CFAP54: variants seen among roughly 807,000 people sequenced by gnomAD.
CFAP54 encodes cilia and flagella associated protein 54.
Under a neutral mutation model 370.4 loss-of-function variants are expected in CFAP54, and 290 were observed. The ratio of observed to expected loss-of-function variants is 0.78; its 90% CI spans 0.71 to 0.86. CFAP54 has a LOEUF of 0.86. CFAP54 is among the 40% of genes least tolerant of loss of function. The pLI is 0.00. For synonymous variants in CFAP54, 1,206 were observed against 1,236.5 expected (o/e 0.98, Z 0.52); for missense variants, 3,399 against 3,528.7 (o/e 0.96, Z 0.93).
At chr12:96,492,081 T>C (rs1954890880) in intron 1 of CFAP54, among the ~76,000 whole-genome samples, 1 of 152,080 alleles carries the variant, frequency 6.6e-6, no homozygotes, top group Non-Finnish European at 1.5e-5. Flanking sequence ...ATTTAAATGG[T>C]TTTTATCTTT....
At chr12:96,647,412 G>T (rs1156539829) in intron 33 of CFAP54, among the ~76,000 whole-genome samples, 3 of 134,914 alleles carry the variant, frequency 2.2e-5, no homozygotes, top group African/African-American at 5.5e-5. Flanking sequence ...GGCAGAGCTT[G>T]CAGTGAGCCG....
chr12:96,863,601 A>AT (rs1213713220), intron 67 of CFAP54, among the ~76,000 whole-genome samples: 1 of 152,174 alleles, frequency 6.6e-6, no homozygotes, highest in African/African-American at 2.4e-5. Flanking sequence ...AGAGGAAGAC[A>AT]TAGTTGAGGT....
chr12:96,541,371 C>T (rs1955569896), intron 14 of CFAP54, among the ~76,000 whole-genome samples: 1 of 151,402 alleles, frequency 6.6e-6, no homozygotes, highest in Non-Finnish European at 1.5e-5. Flanking sequence ...CTGCAACCTC[C>T]ATCTCCCAGG....
At chr12:96,569,726 G>T (rs916246058) in intron 19 of CFAP54, among the ~76,000 whole-genome samples, 6 of 152,184 alleles carry the variant, frequency 3.9e-5, no homozygotes, top group Admixed American at 3.9e-4. Flanking sequence ...AATCAACACA[G>T]AATCTAATTT....
chr12:96,616,304 T>C (rs1956416775), intron 26 of CFAP54, among the ~76,000 whole-genome samples: 1 of 151,070 alleles, frequency 6.6e-6, no homozygotes, highest in Non-Finnish European at 1.5e-5. Context: ...TAGGTGGGAA[T>C]TGAACAATGA....
intron 67 of CFAP54, among the ~76,000 whole-genome samples, chr12:96,863,937 T>C (rs991063382): frequency 6.6e-6 from 1 of 152,180 alleles, no homozygotes; most frequent in Non-Finnish European, 1.5e-5. Flanking sequence ...TAAACCATCA[T>C]TCCAAAATTC....
chr12:96,821,703 A>T (rs4762333), intron 65 of CFAP54, among the ~76,000 whole-genome samples: 9 of 23,174 alleles, frequency 3.9e-4, no homozygotes, highest in African/African-American at 1.2e-3. Flanking sequence ...GCACTTTATT[A>T]AAAAAAAAAA....
At chr12:96,608,498 A>G (rs563305437) in intron 26 of CFAP54, among the ~76,000 whole-genome samples, 4 of 122,850 alleles carry the variant, frequency 3.3e-5, no homozygotes, top group Non-Finnish European at 3.2e-5. Flanking sequence ...GTCTCACTCT[A>G]TCACCCAGGC....
In CFAP54 at chr12:96,739,951, T is replaced by C; in HGVS notation, c.6966-5T>C. The C allele has an allele frequency of 6.9e-7, 1 of 1,442,494 alleles. No individual in the cohort carries two copies. The highest frequency in any genetic ancestry group is 9.6e-7 in the Non-Finnish European group (1 of 1,038,944). 89.4% of individuals were successfully genotyped at this position (1,442,494 alleles called of 1,614,324 possible). On this transcript the variant is annotated splice_polypyrimidine_tract_variant and splice_region_variant and intron_variant, in intron 50 of 67. Transcript: ENST00000524981. ...ATAACATTTAAAATATATTTTCTAT[T>C]TTAGTGCTGCAATAGTATTTTCTAC...
intron 26 of CFAP54, among the ~76,000 whole-genome samples, chr12:96,604,189 G>A (rs1025416295): frequency 3.9e-5 from 6 of 152,150 alleles, no homozygotes; most frequent in Non-Finnish European, 7.4e-5. Context: ...TCATTTGTTA[G>A]TTTTCCTTCT....
chr12:96,731,161 G>A (rs12582050), intron 50 of CFAP54, among the ~76,000 whole-genome samples: 10,982 of 152,210 alleles, frequency 0.072, 804 homozygotes, highest in East Asian at 0.44. Context: ...GCCCCAAACT[G>A]TACTAGTAGT....
At chr12:96,648,577 G>GTTTTTT (rs1956823249) in intron 34 of CFAP54, among the ~76,000 whole-genome samples, 7 of 140,614 alleles carry the variant, frequency 5.0e-5, no homozygotes, top group Non-Finnish European at 9.3e-5. Context: ...GGTAAACAGG[G>GTTTTTT]TTCTTTTTTT....
At chr12:96,619,050 G>T (rs530189554) in intron 26 of CFAP54, among the ~76,000 whole-genome samples, 178 of 152,204 alleles carry the variant, frequency 1.2e-3, no homozygotes, top group African/African-American at 4.1e-3. Context: ...TTTTTGTAGA[G>T]ACAGGGTTTT....
chr12:96,639,876 A>G (rs1411057827), intron 32 of CFAP54, among the ~76,000 whole-genome samples: 2 of 152,202 alleles, frequency 1.3e-5, no homozygotes, highest in Non-Finnish European at 2.9e-5. Flanking sequence ...ACAAAATTGA[A>G]CAACATTCTT....
intron 39 of CFAP54, among the ~76,000 whole-genome samples, chr12:96,679,231 T>G (rs528407588): frequency 6.6e-6 from 1 of 152,252 alleles, no homozygotes; most frequent in South Asian, 2.1e-4. Flanking sequence ...TGTTTCTTCT[T>G]TTTGTCTCTT....
At chr12:96,745,430 A>G (rs1958103739) in intron 55 of CFAP54, among the ~76,000 whole-genome samples, 1 of 152,186 alleles carries the variant, frequency 6.6e-6, no homozygotes, top group Non-Finnish European at 1.5e-5. Context: ...GATTTCTCTA[A>G]TGATCAGTGA....
chr12:96,649,443 C>G (rs1374495892), intron 34 of CFAP54, among the ~76,000 whole-genome samples: 1 of 152,032 alleles, frequency 6.6e-6, no homozygotes, highest in Non-Finnish European at 1.5e-5. Context: ...CAGGAGAAAG[C>G]CTTCTTTTTT....
chr12:96,691,311 G>A lies in CFAP54; in HGVS notation c.6264+1G>A. 2.6e-6 allele frequency: 4 copies of A among 1,567,500 alleles called. No homozygotes were observed. Among genetic ancestry groups the A allele is most frequent in the Non-Finnish European group, 2.6e-6 (3 of 1,160,470 alleles). ...GCACTTTGTTAGGCAAAACCTAATA[G>A]TAAGTAATTTGTAAAATAAAAATTA... On this transcript the variant is annotated splice_donor_variant, in intron 44 of 67. Transcript: ENST00000524981. LOFTEE classifies it high-confidence loss of function.
intron 17 of CFAP54, among the ~76,000 whole-genome samples, chr12:96,562,428 CTTTTTTT>C (rs200487420): frequency 3.5e-5 from 4 of 115,104 alleles, no homozygotes; most frequent in Non-Finnish European, 7.3e-5. Flanking sequence ...TATTTGCATT[CTTTTTTT>C]TTTTTTTTTT....
Sources: gnomAD v4.1 joint callset for allele counts (sites outside exome capture counted in the v4.1 genomes callset) on GRCh38, gnomAD v4.1.1 for gene constraint, MANE v1.5 for transcripts, NCBI Gene and HGNC (gene_info 2026-07-23, HGNC 2026-07-21) for gene names.